The following TIMM21 variants were observed in gnomAD, a reference collection of about 807,000 sequenced individuals.
TIMM21 encodes the protein mitochondrial import inner membrane translocase subunit Tim21.
In TIMM21, 30 loss-of-function variants were observed where a neutral mutation model predicts 27.7. The ratio of observed to expected loss-of-function variants is 1.08; its 90% CI spans 0.81 to 1.47. The LOEUF (loss-of-function observed/expected upper bound fraction) is 1.47. Among genes scored for constraint, TIMM21 ranks in the 40% most tolerant of loss-of-function variants. TIMM21 has a pLI of 0.00. For missense variants in TIMM21, 292 were observed against 302.9 expected, an observed-to-expected ratio of 0.96 and a Z score of 0.27; for synonymous variants, 121 against 114.4, an observed-to-expected ratio of 1.06 and a Z score of -0.37.
At position 74,158,935 on chromosome 18, in the gene TIMM21, C is replaced by T. The variant is rs1166492008; in HGVS notation, c.*455C>T. The T allele has an allele frequency of 1.8e-5, 3 of 169,370 alleles. No individual in the cohort carries two copies. The highest frequency in any genetic ancestry group is 4.8e-5 in the African/African-American group (2 of 41,490). The allele number at this position is 169,370 out of a possible 1,614,324, so 10.5% of individuals were successfully genotyped here. A position where few individuals can be genotyped will look rare whatever the true frequency, so the allele number is the denominator to read the frequency against. On this transcript the variant is annotated 3_prime_UTR_variant, in exon 6 of 6. Coordinates refer to ENST00000169551, the MANE Select transcript of TIMM21 (RefSeq NM_014177.3). ...AAAATGGTTGAGGGCCATAGGGAAC[C>T]AGATGGTAAATACATTCTTCAAAAT... is the stretch of plus-strand genomic sequence containing the variant.
chr18:74,154,771 A>G (rs1979904890), intron 1 of TIMM21, among the ~76,000 whole-genome samples: 1 of 152,200 alleles, frequency 6.6e-6, no homozygotes, highest in African/African-American at 2.4e-5. Context: ...TGGGACTGGC[A>G]TTCGAGCTAG....
intron 3 of TIMM21, 113 bp downstream of exon 3, chr18:74,155,516 T>G: frequency 1.2e-6 from 1 of 824,256 alleles, no homozygotes; most frequent in Non-Finnish European, 1.9e-6. Flanking sequence ...ATTCACATAA[T>G]AATACATAAT....
intron 1 of TIMM21, among the ~76,000 whole-genome samples, chr18:74,151,946 C>CCCCG (rs1555682326): frequency 2.1e-5 from 3 of 140,616 alleles, no homozygotes; most frequent in African/African-American, 9.3e-5. Flanking sequence ...TTCCCCCCCC[C>CCCCG]CCCGGGGGGA....
intron 3 of TIMM21, chr18:74,156,911 G>T (rs1451648455): frequency 6.6e-6 from 1 of 152,138 alleles, no homozygotes; most frequent in Non-Finnish European, 1.5e-5. Context: ...CTTGATGGAT[G>T]TTGATATTTA....
chr18:74,160,478 G>A lies in TIMM21; in HGVS notation c.*1998G>A, dbSNP rs1462383791. 2.0e-5 allele frequency: 3 copies of A among 152,290 alleles called. No homozygotes were observed. Among genetic ancestry groups the A allele is most frequent in the Non-Finnish European group, 2.9e-5 (2 of 68,022 alleles). The allele number at this position is 152,290 out of a possible 1,614,324, so 9.4% of individuals were successfully genotyped here. On this transcript the variant is annotated 3_prime_UTR_variant, in exon 6 of 6. Transcript: ENST00000169551. ...CTAGATCTCTGTTTTCATTCCCTCT[G>A]ATGTACCCTACTAAATGTTAAAATT... is the stretch of plus-strand genomic sequence containing the variant.
chr18:74,149,966 A>G (rs73476582), intron 1 of TIMM21, among the ~76,000 whole-genome samples: 13,361 of 152,216 alleles, frequency 0.088, 1,085 homozygotes, highest in African/African-American at 0.21. Flanking sequence ...TGGGAGCAAC[A>G]TTCCCAAATA....
intron 1 of TIMM21, among the ~76,000 whole-genome samples, chr18:74,150,226 T>C (rs1257097911): frequency 1.3e-5 from 2 of 152,170 alleles, no homozygotes; most frequent in African/African-American, 4.8e-5. Context: ...ATGGCATAAA[T>C]ATAGTAGACA....
intron 5 of TIMM21, 41 bp downstream of exon 5, chr18:74,158,317 C>CGG: frequency 3.7e-6 from 6 of 1,610,362 alleles, no homozygotes; most frequent in Non-Finnish European, 5.1e-6. Context: ...GTTCTGAGCG[C>CGG]GGTGTTATTT....
rs1003848535 is a variant in TIMM21 at position 74,155,305 on chromosome 18, GGT to G, written c.366_367del (p.Gly123LeufsTer16). ...IVVLFGISIT[G>X]GLFYTIFKEL... ...TTCATCTTTGTTTTCTGTGATTTCA[GGT>G]GGCTTGTTTTACACGATTTTCAAAG... On this transcript the variant is annotated frameshift_variant and splice_region_variant, in exon 3 of 6. Coordinates refer to ENST00000169551, the MANE Select transcript of TIMM21 (RefSeq NM_014177.3). LOFTEE classifies it high-confidence loss of function. 6.2e-7 allele frequency: 1 copy of G among 1,613,012 alleles called. No homozygotes were observed. Among genetic ancestry groups the G allele is most frequent in the Non-Finnish European group, 8.5e-7 (1 of 1,179,794 alleles).
chr18:74,151,263 A>T (rs1055112151), intron 1 of TIMM21, among the ~76,000 whole-genome samples: 2 of 152,214 alleles, frequency 1.3e-5, no homozygotes, highest in East Asian at 3.8e-4. Flanking sequence ...AGGTCCAGAA[A>T]CTGGGGCAAT....
chr18:74,157,752 T>C (rs1456139376), intron 3 of TIMM21: 1 of 420,450 alleles, frequency 2.4e-6, no homozygotes, highest in Admixed American at 4.0e-5. Flanking sequence ...CGCATCACCA[T>C]GCCCAGCTGA....
rs946147392 is a variant in TIMM21, at chr18:74,155,858, G to C, written c.462+455G>C. On this transcript the variant is annotated intron_variant, in intron 3 of 5. Coordinates refer to ENST00000169551, the MANE Select transcript of TIMM21 (RefSeq NM_014177.3). ...ACTACTTTGTCTTCAGTTTGCAGAAGGGGAGACTGACACTTAAAGAGATTA... is the reference window on the plus strand; with the variant it reads ...ACTACTTTGTCTTCAGTTTGCAGAACGGGAGACTGACACTTAAAGAGATTA... Among the ~76,000 whole-genome samples the C allele has an allele frequency of 4.6e-5, 7 of 152,288 alleles. 1 individual carries two copies. In the South Asian group the frequency reaches 8.3e-4, roughly 18 times the overall value.
intron 1 of TIMM21, among the ~76,000 whole-genome samples, chr18:74,154,560 C>T (rs1979898723): frequency 6.6e-6 from 1 of 152,220 alleles, no homozygotes; most frequent in Non-Finnish European, 1.5e-5. Flanking sequence ...CGCGCCTGGC[C>T]CCCTGACACT....
In TIMM21 at chr18:74,160,467, T is replaced by G. The variant is rs944713560; in HGVS notation, c.*1987T>G. ...TGTGTAACTCTCTAGATCTCTGTTT[T>G]CATTCCCTCTGATGTACCCTACTAA... is the stretch of plus-strand genomic sequence containing the variant. On this transcript the variant is annotated 3_prime_UTR_variant, in exon 6 of 6. Coordinates refer to ENST00000169551, the MANE Select transcript of TIMM21 (RefSeq NM_014177.3). The G allele has an allele frequency of 1.3e-5, 2 of 152,356 alleles. No homozygotes were observed. The highest frequency in any genetic ancestry group is 2.1e-4 in the South Asian group (1 of 4,834). The allele number at this position is 152,356 out of a possible 1,614,324, so 9.4% of individuals were successfully genotyped here.
At chr18:74,149,738 T>C (rs745612701) in intron 1 of TIMM21, among the ~76,000 whole-genome samples, 4 of 152,210 alleles carry the variant, frequency 2.6e-5, no homozygotes, top group Non-Finnish European at 5.9e-5. Flanking sequence ...CTGCTGACTA[T>C]GCCAAAAACC....
In TIMM21 at chr18:74,155,164, T is replaced by G; in HGVS notation, c.321T>G (p.Asp107Glu). ...TSQKVKEAGRDFTYLIVVLFG... is the reference protein window; with the variant it reads ...TSQKVKEAGREFTYLIVVLFG... ...TCACAGTGAAAGAAGCCGGAAGAGATTTTACCTATTTAATAGTGGTGCTTT... is the reference window on the plus strand; with the variant it reads ...TCACAGTGAAAGAAGCCGGAAGAGAGTTTACCTATTTAATAGTGGTGCTTT... The change falls in exon 2 of 6, where the codon GAT becomes GAG. Residue 107 changes from aspartate to glutamate, a missense_variant. Coordinates refer to ENST00000169551, the MANE Select transcript of TIMM21 (RefSeq NM_014177.3). The G allele has an allele frequency of 1.2e-6, 2 of 1,614,156 alleles. No individual in the cohort carries two copies. The highest frequency in any genetic ancestry group is 1.7e-6 in the Non-Finnish European group (2 of 1,180,026).
intron 3 of TIMM21, chr18:74,156,825 T>G (rs1979963563): frequency 6.6e-6 from 1 of 152,268 alleles, no homozygotes; most frequent in Non-Finnish European, 1.5e-5. Context: ...ATAATTAAAC[T>G]TTAACAATTT....
Position 74,148,858 on chromosome 18 carries a change from G to C in TIMM21, c.50G>C (p.Arg17Thr). The change falls in exon 1 of 6, where the codon AGG (arginine) becomes ACG (threonine). Residue 17 changes from arginine (R) to threonine (T), a missense_variant. By Grantham distance (71) the Arg-to-Thr change is moderately conservative (BLOSUM62 -1). Coordinates refer to ENST00000169551, the MANE Select transcript of TIMM21 (RefSeq NM_014177.3). ...GTACAGTATACGGAGAAGCTGCACAGGTCCTCGGCAAAGCGATTGCTTTTG... is the reference window on the plus strand; with the variant it reads ...GTACAGTATACGGAGAAGCTGCACACGTCCTCGGCAAAGCGATTGCTTTTG... ...RAVQYTEKLH[R>T]SSAKRLLLPY... 1 of 1,614,102 alleles carries C rather than the reference G, an allele frequency of 6.2e-7. No homozygotes were observed.
intron 1 of TIMM21, among the ~76,000 whole-genome samples, chr18:74,151,345 G>A (rs746561117): frequency 6.6e-6 from 1 of 152,210 alleles, no homozygotes; most frequent in Non-Finnish European, 1.5e-5. Flanking sequence ...TCATGACTGT[G>A]TAATTCAGAA....
Sources: allele counts gnomAD v4.1 joint callset (sites outside exome capture counted in the v4.1 genomes callset), GRCh38; gene constraint gnomAD v4.1.1; transcripts MANE v1.5; gene names NCBI Gene and HGNC (gene_info 2026-07-23, HGNC 2026-07-21).